Variants in PBX3 observed in about 807,000 individuals in gnomAD.
PBX3 encodes PBX homeobox 3.
Under a neutral mutation model 48.5 loss-of-function variants are expected in PBX3, and 14 were observed. The ratio of observed to expected loss-of-function variants is 0.29; its 90% CI spans 0.19 to 0.45. PBX3 has a LOEUF of 0.45. Among genes scored for constraint, PBX3 ranks in the 20% least tolerant of loss-of-function variants. The probability of loss-of-function intolerance (pLI) is 1.00; values close to 1 mark genes in which losing one functional copy is unlikely to be tolerated. For synonymous variants in PBX3, 210 were observed against 200.3 expected (o/e 1.05, Z -0.41); for missense variants, 386 against 546.7 (o/e 0.71, Z 2.93).
At chr9:125,755,672 G>GTTTTTTTTTTTTTTTTT (rs11310993) in intron 2 of PBX3, among the ~76,000 whole-genome samples, 1 of 95,224 alleles carries the variant, frequency 1.1e-5, no homozygotes, top group African/African-American at 4.0e-5. Flanking sequence ...GAGGAGCTTT[G>GTTTTTTTTTTTTTTTTT]TTTTTTTTTT....
chr9:125,879,695 A>T (rs1349147589), intron 2 of PBX3, among the ~76,000 whole-genome samples: 1 of 152,232 alleles, frequency 6.6e-6, no homozygotes, highest in African/African-American at 2.4e-5. Context: ...AGGATTATTG[A>T]TGTACCAGTT....
At chr9:125,775,285 C>T (rs920249154) in intron 2 of PBX3, among the ~76,000 whole-genome samples, 2 of 152,274 alleles carry the variant, frequency 1.3e-5, no homozygotes, top group Admixed American at 6.5e-5. Flanking sequence ...GAATGAATAA[C>T]GATAATCTTT....
At chr9:125,813,308 TTGGCATAGGCCAATG>T (rs1277901969) in intron 2 of PBX3, among the ~76,000 whole-genome samples, 7 of 152,104 alleles carry the variant, frequency 4.6e-5, no homozygotes, top group Admixed American at 3.3e-4. Flanking sequence ...CAAACACACA[TTGGCATAGGCCAATG>T]TGTAAGTAGG....
In PBX3 at chr9:125,763,772, G is replaced by A. The variant is rs141693995; in HGVS notation, c.274+15149G>A. 4.3e-3 allele frequency among the ~76,000 whole-genome samples: 654 copies of A among 152,292 alleles called. 4 individuals carry two copies. Among genetic ancestry groups the A allele is most frequent in the African/African-American group, 0.015 (612 of 41,552 alleles). ...GTCCCTCCTTTTACTCCACTTTGAT[G>A]GGGATTGAAAAGCAAAAGGCTGTTT... On this transcript the variant is annotated intron_variant, in intron 2 of 8. Transcript: ENST00000373489.
intron 2 of PBX3, among the ~76,000 whole-genome samples, chr9:125,877,025 G>C (rs905231927): frequency 5.3e-5 from 8 of 151,912 alleles, no homozygotes; most frequent in Non-Finnish European, 1.0e-4. Flanking sequence ...GCCTGCCTTG[G>C]CCTCCCAAAG....
At chr9:125,922,964 C>T (rs1205795118) in intron 3 of PBX3, among the ~76,000 whole-genome samples, 1 of 152,174 alleles carries the variant, frequency 6.6e-6, no homozygotes, top group Non-Finnish European at 1.5e-5. Flanking sequence ...CTAAAGTGCA[C>T]ACTACATAAA....
chr9:125,953,772 G>A (rs774019081), intron 5 of PBX3, among the ~76,000 whole-genome samples: 5 of 103,894 alleles, frequency 4.8e-5, no homozygotes, highest in African/African-American at 1.3e-4. Context: ...CCCAAAAAAA[G>A]TCTTTACGCA....
intron 2 of PBX3, among the ~76,000 whole-genome samples, chr9:125,872,867 C>T (rs561699831): frequency 6.6e-6 from 1 of 151,288 alleles, no homozygotes; most frequent in African/African-American, 2.4e-5. Flanking sequence ...ATACTAGATA[C>T]GTAGGCTTAA....
At chr9:125,818,311 C>T (rs1838531440) in intron 2 of PBX3, among the ~76,000 whole-genome samples, 1 of 151,248 alleles carries the variant, frequency 6.6e-6, no homozygotes, top group Non-Finnish European at 1.5e-5. Context: ...TGAAAATGAG[C>T]CTTACATACA....
chr9:125,964,830 G>C (rs553980969), intron 8 of PBX3, among the ~76,000 whole-genome samples: 2 of 152,260 alleles, frequency 1.3e-5, no homozygotes, highest in Admixed American at 1.3e-4. Flanking sequence ...CATTTTGGAT[G>C]GACTTGCAGA....
Position 125,966,146 on chromosome 9 carries a change from G to A in PBX3, c.*223G>A. The A allele has an allele frequency of 2.5e-6, 1 of 402,452 alleles. No individual in the cohort carries two copies. The highest frequency in any genetic ancestry group is 4.5e-6 in the Non-Finnish European group (1 of 224,388). The allele number at this position is 402,452 out of a possible 1,614,324, so 24.9% of individuals were successfully genotyped here. A position where few individuals can be genotyped will look rare whatever the true frequency, so the allele number is the denominator to read the frequency against. On this transcript the variant is annotated 3_prime_UTR_variant, in exon 9 of 9. Coordinates refer to ENST00000373489, the MANE Select transcript of PBX3 (RefSeq NM_006195.6). ...AAAATAAAGCACTTTATCCAATTAG[G>A]CCAAGATTTAACATTGTTGACAGTC...
chr9:125,752,882 A>G (rs919648091), intron 2 of PBX3, among the ~76,000 whole-genome samples: 2 of 152,214 alleles, frequency 1.3e-5, no homozygotes, highest in Admixed American at 1.3e-4. Context: ...AAACAAATGC[A>G]CTGTTCCATA....
intron 2 of PBX3, among the ~76,000 whole-genome samples, chr9:125,824,723 T>A (rs996240655): frequency 7.9e-5 from 12 of 151,112 alleles, no homozygotes; most frequent in African/African-American, 2.5e-4. Flanking sequence ...TTTTTTTTTT[T>A]AAATACTCAT....
chr9:125,960,167 A>C lies in PBX3; in HGVS notation c.844-517A>C, dbSNP rs1383764975. On this transcript the variant is annotated intron_variant, in intron 5 of 8. Transcript: ENST00000373489. ...AGCTTGAGCAGCCATCTTGGCAGACATGCAGTATTTTCTGAGGCAAAAGAC... is the reference window on the plus strand; with the variant it reads ...AGCTTGAGCAGCCATCTTGGCAGACCTGCAGTATTTTCTGAGGCAAAAGAC... Among the ~76,000 whole-genome samples, 3 of 152,380 alleles carry C rather than the reference A, an allele frequency of 2.0e-5. No homozygotes were observed. In the East Asian group the frequency reaches 5.8e-4, roughly 29 times the overall value.
intron 2 of PBX3, among the ~76,000 whole-genome samples, chr9:125,897,359 G>A (rs767907887): frequency 6.6e-6 from 1 of 151,700 alleles, no homozygotes; most frequent in South Asian, 2.1e-4. Context: ...AAGACAGTTT[G>A]CTTGTTATGC....
At chr9:125,859,988 GCTTAAAT>G (rs1839820451) in intron 2 of PBX3, among the ~76,000 whole-genome samples, 1 of 152,184 alleles carries the variant, frequency 6.6e-6, no homozygotes, top group African/African-American at 2.4e-5. Flanking sequence ...TTTCTGTTGG[GCTTAAAT>G]CTCCTATGGG....
At chr9:125,926,942 T>A (rs1475515623) in intron 3 of PBX3, among the ~76,000 whole-genome samples, 2 of 152,234 alleles carry the variant, frequency 1.3e-5, no homozygotes, top group Non-Finnish European at 2.9e-5. Flanking sequence ...TTGCTTAATG[T>A]TTTACTGTGT....
intron 3 of PBX3, among the ~76,000 whole-genome samples, chr9:125,926,162 G>T (rs992829062): frequency 2.6e-5 from 4 of 152,194 alleles, no homozygotes; most frequent in African/African-American, 9.7e-5. Flanking sequence ...TCAAGAAAAA[G>T]ATATATACGT....
At chr9:125,850,590 A>AT (rs1294332786) in intron 2 of PBX3, among the ~76,000 whole-genome samples, 2 of 152,088 alleles carry the variant, frequency 1.3e-5, no homozygotes, top group African/African-American at 2.4e-5. Flanking sequence ...TGCAATTGGT[A>AT]TAAGTATGAA....
Sources: allele counts gnomAD v4.1 joint callset (sites outside exome capture counted in the v4.1 genomes callset), GRCh38; gene constraint gnomAD v4.1.1; transcripts MANE v1.5; gene names NCBI Gene and HGNC (gene_info 2026-07-23, HGNC 2026-07-21).